Variants in PRNP observed in about 807,000 individuals in gnomAD.
PRNP encodes the protein major prion protein.
In PRNP, 15 loss-of-function variants were observed where a neutral mutation model predicts 21.3. The ratio of observed to expected loss-of-function variants is 0.71; its 90% CI spans 0.47 to 1.09. The LOEUF is 1.09. Ranked by LOEUF, PRNP falls within the 50% of genes least tolerant of loss-of-function variation. The pLI is 0.00. For synonymous variants in PRNP, 121 were observed against 123.1 expected (o/e 0.98, Z 0.11); for missense variants, 285 against 340.9 (o/e 0.84, Z 1.29).
At chr20:4,689,887 C>T (rs1921713261) in intron 1 of PRNP, among the ~76,000 whole-genome samples, 1 of 152,150 alleles carries the variant, frequency 6.6e-6, no homozygotes, top group Non-Finnish European at 1.5e-5. Context: ...CAGTGAAAAG[C>T]ATTATAAATG....
chr20:4,700,367 A>C lies in PRNP; in HGVS notation c.*385A>C. 2.6e-6 allele frequency: 1 copy of C among 391,520 alleles called. No individual in the cohort carries two copies. The highest frequency in any genetic ancestry group is 5.1e-6 in the Non-Finnish European group (1 of 195,514). 24.3% of individuals were successfully genotyped at this position (391,520 alleles called of 1,614,324 possible). ...TTCAGCAGCTAGAGCTCAGTATACT[A>C]ATGCCCTATCTTAGTAGAGATTTCA... On this transcript the variant is annotated 3_prime_UTR_variant, in exon 2 of 2. Transcript: ENST00000379440. This position sits in a 1 kb window ranked among gnomAD's most constrained non-coding sequence, Gnocchi z 4.1.
chr20:4,692,261 T>A (rs1370693929), intron 1 of PRNP, among the ~76,000 whole-genome samples: 7 of 152,242 alleles, frequency 4.6e-5, no homozygotes, highest in Non-Finnish European at 1.0e-4. Flanking sequence ...AAATCCTAGA[T>A]ATTTTCAATT....
At chr20:4,689,214 GT>G (rs1921668912) in intron 1 of PRNP, among the ~76,000 whole-genome samples, 1 of 152,174 alleles carries the variant, frequency 6.6e-6, no homozygotes, top group Non-Finnish European at 1.5e-5. Context: ...CACAAATCTA[GT>G]TTAGCTGAAC....
chr20:4,700,537 T>G lies in PRNP; in HGVS notation c.*555T>G. The G allele has an allele frequency of 3.3e-6, 1 of 304,648 alleles. No homozygotes were observed. Among genetic ancestry groups the G allele is most frequent in the Non-Finnish European group, 6.7e-6 (1 of 149,176 alleles). The allele number at this position is 304,648 out of a possible 1,614,324, so 18.9% of individuals were successfully genotyped here. A position where few individuals can be genotyped will look rare whatever the true frequency, so the allele number is the denominator to read the frequency against. On this transcript the variant is annotated 3_prime_UTR_variant, in exon 2 of 2. Transcript: ENST00000379440. The surrounding 1 kb of genome is among the most constrained non-coding windows in gnomAD (Gnocchi z 4.1). ...AGGCTCAGCCCGCTGGAGCATGAGCTCTGTGTGTACCGAGAACTGGGGTGA... is the reference window on the plus strand; with the variant it reads ...AGGCTCAGCCCGCTGGAGCATGAGCGCTGTGTGTACCGAGAACTGGGGTGA...
chr20:4,696,211 C>T (rs1166548007), intron 1 of PRNP, among the ~76,000 whole-genome samples: 3 of 152,128 alleles, frequency 2.0e-5, no homozygotes, highest in Non-Finnish European at 4.4e-5. Flanking sequence ...CATTTTATTG[C>T]AACTACCAGT....
At chr20:4,695,309 T>G (rs986174347) in intron 1 of PRNP, among the ~76,000 whole-genome samples, 1 of 152,086 alleles carries the variant, frequency 6.6e-6, no homozygotes, top group Admixed American at 6.6e-5. Flanking sequence ...CGATAGGCCC[T>G]AGTATGTGTT....
At chr20:4,698,178 C>T (rs1922291775) in intron 1 of PRNP, among the ~76,000 whole-genome samples, 1 of 152,048 alleles carries the variant, frequency 6.6e-6, no homozygotes, top group Non-Finnish European at 1.5e-5. Context: ...AAAGAGCCTC[C>T]AAAAACCCTA....
intron 1 of PRNP, among the ~76,000 whole-genome samples, chr20:4,687,171 T>C (rs1415761546): frequency 6.6e-6 from 1 of 151,904 alleles, no homozygotes; most frequent in East Asian, 1.9e-4. Context: ...CCTGAGCTTC[T>C]CCGAGGGGGG....
Position 4,700,000 on chromosome 20 carries a change from T to C in PRNP, c.*18T>C. On this transcript the variant is annotated 3_prime_UTR_variant, in exon 2 of 2. Coordinates refer to ENST00000379440, the MANE Select transcript of PRNP (RefSeq NM_000311.5). The surrounding 1 kb of genome is among the most constrained non-coding windows in gnomAD (Gnocchi z 5.8). ...TGGGATGAGGAAGGTCTTCCTGTTT[T>C]CACCATCTTTCTAATCTTTTTCCAG... The C allele has an allele frequency of 6.3e-7, 1 of 1,588,108 alleles. No homozygotes were observed.
chr20:4,690,051 G>A (rs896133009), intron 1 of PRNP, among the ~76,000 whole-genome samples: 4 of 152,062 alleles, frequency 2.6e-5, no homozygotes, highest in Non-Finnish European at 5.9e-5. Flanking sequence ...AAGCTCCTCA[G>A]GTAATTCTGA....
Position 4,701,281 on chromosome 20 carries a change from T to C in PRNP, c.*1299T>C, listed in dbSNP as rs1430939845. ...AAAATATATATGTATATAAAATATA[T>C]ATTGCATAGGACAGACTTAGGAGTT... On this transcript the variant is annotated 3_prime_UTR_variant, in exon 2 of 2. Transcript: ENST00000379440. This position sits in a 1 kb window ranked among gnomAD's most constrained non-coding sequence, Gnocchi z 4.2. The C allele has an allele frequency of 6.0e-6, 1 of 167,068 alleles. No individual in the cohort carries two copies. Among genetic ancestry groups the C allele is most frequent in the African/African-American group, 2.4e-5 (1 of 41,462 alleles). 10.3% of individuals were successfully genotyped at this position (167,068 alleles called of 1,614,324 possible).
rs78236631 is a variant in PRNP at position 4,699,190 on chromosome 20, G to A, written c.-10-21G>A. The A allele has an allele frequency of 0.03, 48,885 of 1,612,998 alleles. 940 individuals are homozygous for A. The highest frequency in any genetic ancestry group is 0.083 in the African/African-American group (6,210 of 75,000). ...TTCAACATAAATATGGGACTCTGACGTTCTCCTCTTCATTTTGCAGAGCAG... is the reference window on the plus strand; with the variant it reads ...TTCAACATAAATATGGGACTCTGACATTCTCCTCTTCATTTTGCAGAGCAG... On this transcript the variant is annotated intron_variant, in intron 1 of 1. Transcript: ENST00000379440. The surrounding 1 kb of genome is among the most constrained non-coding windows in gnomAD (Gnocchi z 5.8).
At chr20:4,692,051 T>G (rs988071305) in intron 1 of PRNP, among the ~76,000 whole-genome samples, 1 of 152,182 alleles carries the variant, frequency 6.6e-6, no homozygotes. Flanking sequence ...ATCTAAGAGA[T>G]CCAAAGCAAA....
At chr20:4,690,497 T>C (rs1921754531) in intron 1 of PRNP, among the ~76,000 whole-genome samples, 1 of 152,232 alleles carries the variant, frequency 6.6e-6, no homozygotes, top group Non-Finnish European at 1.5e-5. Flanking sequence ...GTTCCGCTGT[T>C]TTGCCATTCT....
intron 1 of PRNP, among the ~76,000 whole-genome samples, chr20:4,693,914 T>C (rs1290288840): frequency 7.0e-6 from 1 of 143,874 alleles, no homozygotes; most frequent in Non-Finnish European, 1.5e-5. Context: ...CTGGGCAACA[T>C]GGCAAGACCC....
intron 1 of PRNP, among the ~76,000 whole-genome samples, chr20:4,688,446 A>G (rs1921615321): frequency 6.6e-6 from 1 of 152,222 alleles, no homozygotes; most frequent in South Asian, 2.1e-4. Flanking sequence ...GGCATTTCGA[A>G]CCAGTGACAA....
At position 4,699,733 on chromosome 20, in the gene PRNP, C is replaced by T; in HGVS notation, c.513C>T (p.Asn171=). The change falls in exon 2 of 2, where the codon AAC becomes AAT. Residue 171 remains asparagine, a synonymous_variant. Transcript: ENST00000379440. The surrounding 1 kb of genome is among the most constrained non-coding windows in gnomAD (Gnocchi z 5.8). ...VYYRPMDEYS[N]QNNFVHDCVN... ...ACAGGCCCATGGATGAGTACAGCAA[C>T]CAGAACAACTTTGTGCACGACTGCG... 1.2e-6 allele frequency: 2 copies of T among 1,614,006 alleles called. No homozygotes were observed. Among genetic ancestry groups the T allele is most frequent in the African/African-American group, 1.3e-5 (1 of 74,970 alleles).
chr20:4,699,125 TG>T lies in PRNP; in HGVS notation c.-10-85del. ...GTTTCTACTGAGCAGCTGATACCAT[TG>T]CTATGCACTCATTCATTATGCAGGA... On this transcript the variant is annotated intron_variant, in intron 1 of 1. Coordinates refer to ENST00000379440, the MANE Select transcript of PRNP (RefSeq NM_000311.5). This position sits in a 1 kb window ranked among gnomAD's most constrained non-coding sequence, Gnocchi z 5.8. The T allele has an allele frequency of 6.7e-7, 1 of 1,496,262 alleles. No homozygotes were observed. The highest frequency in any genetic ancestry group is 9.3e-7 in the Non-Finnish European group (1 of 1,075,856). The allele number at this position is 1,496,262 out of a possible 1,614,324, so 92.7% of individuals were successfully genotyped here. A position where few individuals can be genotyped will look rare whatever the true frequency, so the allele number is the denominator to read the frequency against.
At chr20:4,687,210 T>C (rs1921510736) in intron 1 of PRNP, among the ~76,000 whole-genome samples, 3 of 151,564 alleles carry the variant, frequency 2.0e-5, no homozygotes, top group South Asian at 4.2e-4. Context: ...TGCCACCGCC[T>C]GGAGAAGCGG....
Sources: allele counts gnomAD v4.1 joint callset (sites outside exome capture counted in the v4.1 genomes callset), GRCh38; gene constraint gnomAD v4.1.1; non-coding constraint Gnocchi (gnomAD v3.1); transcripts MANE v1.5; gene names NCBI Gene and HGNC (gene_info 2026-07-23, HGNC 2026-07-21).